Variants in USP4 observed in about 807,000 individuals in gnomAD.
USP4 encodes the protein ubiquitin carboxyl-terminal hydrolase 4.
In USP4, 72 loss-of-function variants were observed where a neutral mutation model predicts 118.2. That is an observed-to-expected ratio of 0.61 (90% CI 0.50 to 0.74). The LOEUF (loss-of-function observed/expected upper bound fraction) is 0.74. Ranked by LOEUF, USP4 falls within the 30% of genes least tolerant of loss-of-function variation. The probability of loss-of-function intolerance (pLI) is 0.00; values close to 1 mark genes in which losing one functional copy is unlikely to be tolerated. For synonymous variants in USP4, 415 were observed against 440.4 expected (o/e 0.94, Z 0.72); for missense variants, 1,037 against 1,185.7 (o/e 0.87, Z 1.84).
intron 13 of USP4, 127 bp from the exon 14 acceptor site, chr3:49,294,725 G>A: frequency 1.1e-6 from 1 of 894,942 alleles, no homozygotes; most frequent in Non-Finnish European, 1.7e-6. Flanking sequence ...TAGAAAAGGT[G>A]GCTATAACTA....
intron 7 of USP4, 141 bp from the exon 8 acceptor site, chr3:49,310,878 G>A: frequency 1.5e-6 from 1 of 652,410 alleles, no homozygotes; most frequent in East Asian, 2.7e-5. Flanking sequence ...TCCCTCCCCT[G>A]CCCTCCAGAC....
intron 2 of USP4, among the ~76,000 whole-genome samples, chr3:49,329,163 C>T (rs973203297): frequency 6.6e-6 from 1 of 151,816 alleles, no homozygotes; most frequent in Admixed American, 6.6e-5. Context: ...GGTGACACAG[C>T]GAAACTCCAT....
intron 6 of USP4, chr3:49,318,640 G>T: frequency 2.0e-6 from 2 of 985,000 alleles, no homozygotes; most frequent in Non-Finnish European, 1.2e-6. Context: ...CAGGTGTGGT[G>T]GCTCACGCCT....
intron 13 of USP4, 75 bp downstream of exon 13, chr3:49,297,795 G>T: frequency 8.1e-7 from 1 of 1,241,302 alleles, no homozygotes; most frequent in Non-Finnish European, 1.2e-6. Flanking sequence ...TTTTTGTTCT[G>T]GAGATATGAA....
Position 49,324,777 on chromosome 3 carries a change from G to T in USP4, c.634-14C>A. 3.1e-6 allele frequency: 5 copies of T among 1,614,108 alleles called. No homozygotes were observed. Among genetic ancestry groups the T allele is most frequent in the Middle Eastern group, 1.6e-4 (1 of 6,062 alleles). On this transcript the variant is annotated splice_polypyrimidine_tract_variant and intron_variant, in intron 5 of 21. Transcript: ENST00000265560. ...AATTACTAGCACCTGAGTGAAAGGGGAAACCAAATGAGGAGAGTTCAAACC... is the reference window on the plus strand; with the variant it reads ...AATTACTAGCACCTGAGTGAAAGGGTAAACCAAATGAGGAGAGTTCAAACC...
chr3:49,279,448 A>T (rs1258380922), intron 20 of USP4, among the ~76,000 whole-genome samples: 1 of 152,172 alleles, frequency 6.6e-6, no homozygotes, highest in Admixed American at 6.6e-5. Flanking sequence ...CATATCCAAA[A>T]AAAAAAAAAT....
At chr3:49,309,770 G>A (rs1333976033) in intron 8 of USP4, among the ~76,000 whole-genome samples, 1 of 149,730 alleles carries the variant, frequency 6.7e-6, no homozygotes, top group African/African-American at 2.5e-5. Context: ...TGGATTACAG[G>A]CGTGTGCCAC....
chr3:49,309,127 C>T (rs2047353518), intron 8 of USP4, among the ~76,000 whole-genome samples: 1 of 151,852 alleles, frequency 6.6e-6, no homozygotes, highest in Non-Finnish European at 1.5e-5. Flanking sequence ...TGACCTCTGC[C>T]CTATATGCCT....
chr3:49,292,763 G>A (rs1487511050), intron 14 of USP4, among the ~76,000 whole-genome samples, 165 bp from the exon 15 acceptor site: 1 of 152,238 alleles, frequency 6.6e-6, no homozygotes, highest in Non-Finnish European at 1.5e-5. Flanking sequence ...ACTGGGCCAG[G>A]TGTGGTGGCT....
In USP4 at chr3:49,324,682, G is replaced by T. The variant is rs991550651; in HGVS notation, c.695+20C>A. 1 of 1,611,588 alleles carries T rather than the reference G, an allele frequency of 6.2e-7. No individual in the cohort carries two copies. The highest frequency in any genetic ancestry group is 1.7e-5 in the Admixed American group (1 of 60,012). ...TTTTGCACATGTGAGCCTACAACAA[G>T]GGAGAAAAAATTCACTTACTTTGAC... is the stretch of plus-strand genomic sequence containing the variant. On this transcript the variant is annotated intron_variant, in intron 6 of 21. Coordinates refer to ENST00000265560, the MANE Select transcript of USP4 (RefSeq NM_003363.4).
chr3:49,299,480 C>T (rs1035657929), intron 11 of USP4, among the ~76,000 whole-genome samples: 3 of 151,774 alleles, frequency 2.0e-5, no homozygotes, highest in Non-Finnish European at 4.4e-5. Flanking sequence ...GCAAGCTCCG[C>T]CTCCCGGGTT....
chr3:49,294,444 G>A lies in USP4; in HGVS notation c.1846C>T (p.Leu616Phe). ...CAAACAGCCTGGTACAAAGACTCAA[G>A]GGTTAACTTGTGCTTGGGGACAGAA... Reference protein sequence around the residue: ...LLSVPKHKLTLESLYQAVCDR... With the variant: ...LLSVPKHKLTFESLYQAVCDR... Residue 616 changes from leucine (L) to phenylalanine (F), a missense_variant, in exon 14 of 22, where the codon CTT becomes TTT. By Grantham distance (22) the Leu-to-Phe change is conservative. Transcript: ENST00000265560. The A allele has an allele frequency of 6.2e-7, 1 of 1,614,136 alleles. No individual in the cohort carries two copies. The highest frequency in any genetic ancestry group is 8.5e-7 in the Non-Finnish European group (1 of 1,180,008).
chr3:49,321,446 G>T (rs1161397918), intron 6 of USP4, among the ~76,000 whole-genome samples: 1 of 151,036 alleles, frequency 6.6e-6, no homozygotes, highest in Non-Finnish European at 1.5e-5. Flanking sequence ...ATAGATACTA[G>T]TTGCTTTCTT....
At position 49,280,766 on chromosome 3, in the gene USP4, A is replaced by G. The variant is rs1351483756; in HGVS notation, c.2622T>C (p.Tyr874=). ...VYDLIAVSNH[Y]GAMGVGHYTA... is the part of the protein sequence containing the mutation. The stretch of plus-strand genomic sequence containing the variant: ...TACAGTGGCCAACCCCCATGGCTCC[A>G]TAATGATTGGACACGGCAATGAGGT... Residue 874 remains tyrosine, a synonymous_variant, in exon 20 of 22, where the codon TAT becomes TAC. Transcript: ENST00000265560. 1.2e-6 allele frequency: 2 copies of G among 1,614,018 alleles called. No individual in the cohort carries two copies. The highest frequency in any genetic ancestry group is 2.7e-5 in the African/African-American group (2 of 74,918).
At chr3:49,335,776 G>C (rs1020721514) in intron 1 of USP4, among the ~76,000 whole-genome samples, 180 bp from the exon 2 acceptor site, 3 of 152,104 alleles carry the variant, frequency 2.0e-5, no homozygotes, top group Non-Finnish European at 4.4e-5. Flanking sequence ...TCTGGCCCAG[G>C]GTATGCATCC....
chr3:49,295,735 C>CACACACACACACACACACACA (rs765943049), intron 13 of USP4, among the ~76,000 whole-genome samples: 1 of 136,358 alleles, frequency 7.3e-6, no homozygotes, highest in African/African-American at 3.5e-5. Flanking sequence ...CACACACACA[C>CACACACACACACACACACACA]CCCCCCCTCC....
intron 6 of USP4, among the ~76,000 whole-genome samples, chr3:49,314,983 G>A (rs1426416908): frequency 1.3e-5 from 2 of 151,892 alleles, no homozygotes; most frequent in Admixed American, 1.3e-4. Context: ...AATTTTATTT[G>A]ATGTTTAAAA....
At chr3:49,292,633 T>C (rs778004692) in intron 14 of USP4, 35 bp from the exon 15 acceptor site, 46 of 1,421,120 alleles carry the variant, frequency 3.2e-5, no homozygotes, top group South Asian at 3.9e-5. Flanking sequence ...AAAAAAAGAT[T>C]GTTAGTTGTA....
At chr3:49,290,718 T>C (rs1028667840) in intron 15 of USP4, among the ~76,000 whole-genome samples, 1 of 152,172 alleles carries the variant, frequency 6.6e-6, no homozygotes, top group African/African-American at 2.4e-5. Flanking sequence ...TTTCACCGTG[T>C]TGGCCAGGCT....
Sources: gnomAD v4.1 joint callset for allele counts (sites outside exome capture counted in the v4.1 genomes callset) on GRCh38, gnomAD v4.1.1 for gene constraint, MANE v1.5 for transcripts, NCBI Gene and HGNC (gene_info 2026-07-23, HGNC 2026-07-21) for gene names.